The following PCDHGA7 variants were observed in gnomAD, a reference collection of about 807,000 sequenced individuals.
PCDHGA7 encodes protocadherin gamma subfamily A, 7.
A neutral mutation model predicts 58.3 loss-of-function variants in PCDHGA7; 44 were observed. The ratio of observed to expected loss-of-function variants is 0.75; its 90% CI spans 0.59 to 0.97. The LOEUF (loss-of-function observed/expected upper bound fraction) is 0.97, where lower values mean the gene tolerates loss of function less well. PCDHGA7 is among the 50% of genes least tolerant of loss of function. The pLI is 0.00. For synonymous variants in PCDHGA7, 516 were observed against 504.2 expected (o/e 1.02, Z -0.31); for missense variants, 1,266 against 1,188.7 (o/e 1.06, Z -0.96).
chr5:141,476,336 C>G lies in PCDHGA7; in HGVS notation c.2425-18471C>G, dbSNP rs1228900349. The G allele has an allele frequency of 2.5e-6, 4 of 1,614,008 alleles. No individual in the cohort carries two copies. The highest frequency in any genetic ancestry group is 2.2e-5 in the East Asian group (1 of 44,854). ...GTTCCGGGTGGTGTCTGGAGCTAGC[C>G]GAAGATTCTTTGAGGTGAACCGGGA... On this transcript the variant is annotated intron_variant, in intron 1 of 3. Coordinates refer to ENST00000518325, the MANE Select transcript of PCDHGA7 (RefSeq NM_018920.4). The surrounding 1 kb of genome is among the most constrained non-coding windows in gnomAD (Gnocchi z 7.6).
intron 1 of PCDHGA7, chr5:141,400,289 G>A: frequency 6.2e-7 from 1 of 1,614,074 alleles, no homozygotes; most frequent in South Asian, 1.1e-5. Context: ...GCCGCCTGGA[G>A]CTGCTTCCAA....
At chr5:141,394,800 G>A in intron 1 of PCDHGA7, 1 of 1,613,850 alleles carries the variant, frequency 6.2e-7, no homozygotes, top group East Asian at 2.2e-5. Context: ...GCTCACCGTA[G>A]CCGTGGCTGA....
chr5:141,404,177 A>C, intron 1 of PCDHGA7: 1 of 1,613,448 alleles, frequency 6.2e-7, no homozygotes, highest in Non-Finnish European at 8.5e-7. Context: ...GACGGCCCAA[A>C]TTCTTGACCG....
chr5:141,405,124 G>A (rs1490821452), intron 1 of PCDHGA7: 2 of 1,614,020 alleles, frequency 1.2e-6, no homozygotes, highest in Admixed American at 3.3e-5. Context: ...CCTCGCATCT[G>A]CTGCGGGCTA....
chr5:141,488,548 T>C (rs112676623), intron 1 of PCDHGA7, among the ~76,000 whole-genome samples: 2 of 152,318 alleles, frequency 1.3e-5, no homozygotes, highest in African/African-American at 4.8e-5. Flanking sequence ...CCATGTCAGC[T>C]GACATTGAGA....
In PCDHGA7 at chr5:141,511,216, C is replaced by A. The variant is rs374915167; in HGVS notation, c.*43C>A. On this transcript the variant is annotated 3_prime_UTR_variant, in exon 4 of 4. Coordinates refer to ENST00000518325, the MANE Select transcript of PCDHGA7 (RefSeq NM_018920.4). Reference sequence around the variant, plus strand: ...GAGCCACAGGGCGGCCTCTCCCCAACCAGCCCAGCTTCTCCTTACCTGCAC... The same window carrying A: ...GAGCCACAGGGCGGCCTCTCCCCAAACAGCCCAGCTTCTCCTTACCTGCAC... The A allele has an allele frequency of 6.2e-7, 1 of 1,608,004 alleles. No homozygotes were observed. The highest frequency in any genetic ancestry group is 1.3e-5 in the African/African-American group (1 of 74,736).
rs1780850874 is a variant in PCDHGA7, at chr5:141,385,095, G to A, written c.2196G>A (p.Leu732=). 5.6e-6 allele frequency: 9 copies of A among 1,614,202 alleles called. No homozygotes were observed. The highest frequency in any genetic ancestry group is 4.5e-5 in the East Asian group (2 of 44,876). ...SRLLQASEGG[L]ANVPTSHFVG... Reference sequence around the variant, plus strand: ...TGCTGCAGGCTTCAGAAGGTGGCTTGGCGAACGTGCCCACCTCGCACTTTG... The same window carrying A: ...TGCTGCAGGCTTCAGAAGGTGGCTTAGCGAACGTGCCCACCTCGCACTTTG... The change falls in exon 1 of 4, where the codon TTG becomes TTA. Residue 732 remains leucine (L), a synonymous_variant. Coordinates refer to ENST00000518325, the MANE Select transcript of PCDHGA7 (RefSeq NM_018920.4).
At position 141,511,871 on chromosome 5, in the gene PCDHGA7, A is replaced by T. The variant is rs1306732557; in HGVS notation, c.*698A>T. On this transcript the variant is annotated 3_prime_UTR_variant, in exon 4 of 4. Coordinates refer to ENST00000518325, the MANE Select transcript of PCDHGA7 (RefSeq NM_018920.4). ...TTGTTTTTCATTGTTTGACGTTTCCACTGCATGCCTTGACTTCCCCCACCT... is the reference window on the plus strand; with the variant it reads ...TTGTTTTTCATTGTTTGACGTTTCCTCTGCATGCCTTGACTTCCCCCACCT... 1 of 156,376 alleles carries T rather than the reference A, an allele frequency of 6.4e-6. No homozygotes were observed. The highest frequency in any genetic ancestry group is 1.9e-4 in the East Asian group (1 of 5,268). 9.7% of individuals were successfully genotyped at this position (156,376 alleles called of 1,614,324 possible).
chr5:141,399,199 C>T (rs2093768918), intron 1 of PCDHGA7: 8 of 1,613,876 alleles, frequency 5.0e-6, no homozygotes, highest in Non-Finnish European at 6.8e-6. Flanking sequence ...AAACGCGGTG[C>T]CTGGAACACT....
intron 1 of PCDHGA7, chr5:141,478,813 A>G (rs2099478658): frequency 4.8e-6 from 7 of 1,453,346 alleles, no homozygotes; most frequent in Non-Finnish European, 6.3e-6. Context: ...TGCTATCACA[A>G]CTAACCAATC....
rs1471215172 is a variant in PCDHGA7 at position 141,511,840 on chromosome 5, TCTG to T, written c.*668_*670del. 1 of 156,722 alleles carries T rather than the reference TCTG, an allele frequency of 6.4e-6. No homozygotes were observed. Among genetic ancestry groups the T allele is most frequent in the African/African-American group, 2.4e-5 (1 of 41,448 alleles). The allele number at this position is 156,722 out of a possible 1,614,324, so 9.7% of individuals were successfully genotyped here. A position where few individuals can be genotyped will look rare whatever the true frequency, so the allele number is the denominator to read the frequency against. On this transcript the variant is annotated 3_prime_UTR_variant, in exon 4 of 4. Coordinates refer to ENST00000518325, the MANE Select transcript of PCDHGA7 (RefSeq NM_018920.4). ...TTCCCAACGCCCTGGGGACCAGTCTTCTGTTTTGTTTTTCATTGTTTGACGTTT... is the reference window on the plus strand; with the variant it reads ...TTCCCAACGCCCTGGGGACCAGTCTTTTTTGTTTTTCATTGTTTGACGTTT...
chr5:141,398,597 C>A (rs986852077), intron 1 of PCDHGA7: 4 of 1,614,006 alleles, frequency 2.5e-6, no homozygotes, highest in Non-Finnish European at 3.4e-6. Flanking sequence ...CTAGAAGTAG[C>A]AGAAGATGCA....
chr5:141,456,098 C>A (rs1222639126), intron 1 of PCDHGA7, among the ~76,000 whole-genome samples: 1 of 151,980 alleles, frequency 6.6e-6, no homozygotes. Context: ...GGGATTTCAC[C>A]GTGTTAGCCA....
At chr5:141,423,107 T>G (rs1590430250) in intron 1 of PCDHGA7, 1 of 1,613,696 alleles carries the variant, frequency 6.2e-7, no homozygotes, top group East Asian at 2.2e-5. Flanking sequence ...ACGGGCGAGG[T>G]GCGTACAGCG....
chr5:141,428,110 C>G (rs917739943), intron 1 of PCDHGA7: 11 of 1,607,538 alleles, frequency 6.8e-6, no homozygotes, highest in Middle Eastern at 3.4e-4. Context: ...GTGCTGCAGG[C>G]CATCGAGCCC....
intron 1 of PCDHGA7, chr5:141,424,442 T>C (rs2096821583): frequency 6.6e-6 from 1 of 152,244 alleles, no homozygotes; most frequent in South Asian, 2.1e-4. Context: ...AATTGAATTA[T>C]TGAACTGGTA....
chr5:141,467,055 C>CTT (rs1193465269), intron 1 of PCDHGA7, among the ~76,000 whole-genome samples: 5 of 134,496 alleles, frequency 3.7e-5, no homozygotes, highest in African/African-American at 5.4e-5. Context: ...TCAATGTTTT[C>CTT]TTTTTTTTTT....
At chr5:141,392,867 G>C in intron 1 of PCDHGA7, 6 of 1,612,942 alleles carry the variant, frequency 3.7e-6, no homozygotes, top group Non-Finnish European at 5.1e-6. Flanking sequence ...TGCTGTGCGC[G>C]CTGCTGGGAA....
intron 1 of PCDHGA7, chr5:141,404,208 A>G (rs1411239715): frequency 6.2e-7 from 1 of 1,613,782 alleles, no homozygotes; most frequent in Admixed American, 1.7e-5. Flanking sequence ...TCAGAATATA[A>G]TATCACGGTG....
Sources: allele counts gnomAD v4.1 joint callset (sites outside exome capture counted in the v4.1 genomes callset), GRCh38; gene constraint gnomAD v4.1.1; non-coding constraint Gnocchi (gnomAD v3.1); transcripts MANE v1.5; gene names NCBI Gene and HGNC (gene_info 2026-07-23, HGNC 2026-07-21).